The following EPN3 variants were observed in gnomAD, a reference collection of about 807,000 sequenced individuals.
EPN3 encodes the protein epsin-3.
Under a neutral mutation model 55.5 loss-of-function variants are expected in EPN3, and 56 were observed. That is an observed-to-expected ratio of 1.01 (90% confidence interval 0.81 to 1.26). EPN3 has a LOEUF of 1.26. Among genes scored for constraint, EPN3 ranks in the 50% most tolerant of loss-of-function variants. The pLI, the probability that EPN3 is intolerant of heterozygous loss-of-function variation, is 0.00. For missense variants in EPN3, 927 were observed against 853.4 expected, an observed-to-expected ratio of 1.09 and a Z score of -1.07; for synonymous variants, 449 against 375.2, an observed-to-expected ratio of 1.20 and a Z score of -2.27.
Position 50,541,965 on chromosome 17 carries a change from C to T in EPN3, c.1707C>T (p.Pro569=). Residue 569 remains proline, a synonymous_variant, in exon 10 of 10, where the codon CCC becomes CCT. Transcript: ENST00000268933. ...TGGCAGGCGGGCCTGTGGGGGCGCC[C>T]CTGGGCTCCATGACCTACAGCGCCT... The part of the protein sequence containing the change: ...LGLAGGPVGA[P]LGSMTYSASL... The T allele has an allele frequency of 3.1e-6, 5 of 1,596,708 alleles. No individual in the cohort carries two copies. The African/African-American group carries it at 4.0e-5, about 13-fold the overall frequency.
At chr17:50,540,748 G>T (rs1197772617) in intron 6 of EPN3, 45 bp from the exon 7 acceptor site, 6 of 1,544,488 alleles carry the variant, frequency 3.9e-6, no homozygotes, top group Non-Finnish European at 5.3e-6. Flanking sequence ...CTGGGCGAGG[G>T]ATAAGGGTGG....
rs1567905413 is a variant in EPN3 at position 50,541,082 on chromosome 17, G to GT, written c.1249+21dup. On this transcript the variant is annotated intron_variant, in intron 7 of 9. Transcript: ENST00000268933. ...CACCTGGTAAGAAGAGGGCCAGAGA[G>GT]TGTGAGTGAGGAGCTGGGGGACTTC... 6.4e-7 allele frequency: 1 copy of GT among 1,570,916 alleles called. No homozygotes were observed. The highest frequency in any genetic ancestry group is 1.2e-5 in the South Asian group (1 of 85,262).
chr17:50,536,865 C>T lies in EPN3; in HGVS notation c.309C>T (p.Ile103=), dbSNP rs1304836353. 1.9e-6 allele frequency: 3 copies of T among 1,614,078 alleles called. No individual in the cohort carries two copies. Among genetic ancestry groups the T allele is most frequent in the East Asian group, 4.5e-5 (2 of 44,894 alleles). ...AGTGCCGCGAGAACCTCTACACCATCCAGACACTCAAGGACTTCCAGTACA... is the reference window on the plus strand; with the variant it reads ...AGTGCCGCGAGAACCTCTACACCATTCAGACACTCAAGGACTTCCAGTACA... ...AHQCRENLYT[I]QTLKDFQYID... is the part of the protein sequence containing the mutation. The change falls in exon 2 of 10, where the codon ATC becomes ATT. Residue 103 remains isoleucine, a synonymous_variant. Coordinates refer to ENST00000268933, the MANE Select transcript of EPN3 (RefSeq NM_017957.3).
chr17:50,540,294 G>A lies in EPN3; in HGVS notation c.939G>A (p.Pro313=), dbSNP rs769871618. The A allele has an allele frequency of 2.3e-5, 37 of 1,612,236 alleles. No homozygotes were observed. The highest frequency in any genetic ancestry group is 2.7e-5 in the Non-Finnish European group (32 of 1,179,910). ...LADIFVPALA[P]PSTHCSADPW... ...ACATCTTCGTACCTGCCCTGGCCCC[G>A]CCCTCCACACACTGCTCTGCTGACC... Residue 313 remains proline, a synonymous_variant, in exon 6 of 10, where the codon CCG becomes CCA. Transcript: ENST00000268933.
intron 5 of EPN3, 123 bp from the exon 6 acceptor site, chr17:50,540,124 T>C: frequency 1.4e-6 from 1 of 703,024 alleles, no homozygotes; most frequent in African/African-American, 1.8e-5. Context: ...AGGTGAGGGA[T>C]CATGAATAGG....
chr17:50,543,653 G>A lies in EPN3; in HGVS notation c.*1496G>A, dbSNP rs2034876211. On this transcript the variant is annotated 3_prime_UTR_variant, in exon 10 of 10. Coordinates refer to ENST00000268933, the MANE Select transcript of EPN3 (RefSeq NM_017957.3). ...CACCTGCTCAGGAGTCAGACTTACA[G>A]GGTTCAAAGTTCTGCTCCAAGGTTT... The A allele has an allele frequency of 2.0e-5, 3 of 152,212 alleles. No homozygotes were observed. Among genetic ancestry groups the A allele is most frequent in the Admixed American group, 2.0e-4 (3 of 15,286 alleles). 9.4% of individuals were successfully genotyped at this position (152,212 alleles called of 1,614,324 possible).
Position 50,540,783 on chromosome 17 carries a change from C to T in EPN3, c.980-10C>T, listed in dbSNP as rs1328855372. The T allele has an allele frequency of 6.2e-7, 1 of 1,601,274 alleles. No individual in the cohort carries two copies. Among genetic ancestry groups the T allele is most frequent in the Non-Finnish European group, 8.5e-7 (1 of 1,171,692 alleles). On this transcript the variant is annotated splice_polypyrimidine_tract_variant and intron_variant, in intron 6 of 9. Coordinates refer to ENST00000268933, the MANE Select transcript of EPN3 (RefSeq NM_017957.3). The stretch of plus-strand genomic sequence containing the variant: ...GGCCTGGGATCATGTCTATGCTGTT[C>T]CCATTTCAGGTTTTAGGCCGAACAC...
chr17:50,543,328 T>G lies in EPN3; in HGVS notation c.*1171T>G, dbSNP rs2034872867. ...ACCCCTTCTGGGGGTTTATGTGGAG[T>G]CTGGGAAACCAAGGGTGGGGTGAGG... On this transcript the variant is annotated 3_prime_UTR_variant, in exon 10 of 10. Transcript: ENST00000268933. The G allele has an allele frequency of 6.6e-6, 1 of 152,042 alleles. No homozygotes were observed. The highest frequency in any genetic ancestry group is 2.4e-5 in the African/African-American group (1 of 41,388). 9.4% of individuals were successfully genotyped at this position (152,042 alleles called of 1,614,324 possible).
rs1385102119 is a variant in EPN3, at chr17:50,543,128, C to T, written c.*971C>T. ...TGGAGGGATCCAACCTCCAGGAGCT[C>T]GAGCGCAGCAGGGTAGACAAGCCAG... On this transcript the variant is annotated 3_prime_UTR_variant, in exon 10 of 10. Coordinates refer to ENST00000268933, the MANE Select transcript of EPN3 (RefSeq NM_017957.3). 2 of 152,320 alleles carry T rather than the reference C, an allele frequency of 1.3e-5. No homozygotes were observed. Among genetic ancestry groups the T allele is most frequent in the Admixed American group, 6.5e-5 (1 of 15,296 alleles). 9.4% of individuals were successfully genotyped at this position (152,320 alleles called of 1,614,324 possible).
Position 50,541,330 on chromosome 17 carries a change from G to A in EPN3, c.1351G>A (p.Val451Met). The part of the protein sequence containing the change: ...ALPSGKPSSP[V>M]ELDLFGDPSP... ...GCCCTCTGGGAAGCCCAGCAGCCCT[G>A]TGGGTGAGCAGGGCAAGGGGATGGT... The change falls in exon 8 of 10, where the codon GTG (valine) becomes ATG (methionine). Residue 451 changes from valine to methionine, a missense_variant. Transcript: ENST00000268933. 3.1e-6 allele frequency: 5 copies of A among 1,611,968 alleles called. No homozygotes were observed. The highest frequency in any genetic ancestry group is 1.1e-5 in the South Asian group (1 of 91,070).
At position 50,541,993 on chromosome 17, in the gene EPN3, C is replaced by G; in HGVS notation, c.1735C>G (p.Leu579Val). The change falls in exon 10 of 10, where the codon CTG (leucine) becomes GTG (valine). Residue 579 changes from leucine (L) to valine (V), a missense_variant. Leu to Val is a conservative substitution (Grantham distance 32). Coordinates refer to ENST00000268933, the MANE Select transcript of EPN3 (RefSeq NM_017957.3). ...PLGSMTYSAS[L>V]PLPLSSVPAG... ...GGGCTCCATGACCTACAGCGCCTCT[C>G]TGCCCCTCCCGCTCAGCAGCGTGCC... is the stretch of plus-strand genomic sequence containing the variant. 1 of 1,598,340 alleles carries G rather than the reference C, an allele frequency of 6.3e-7. No homozygotes were observed. The highest frequency in any genetic ancestry group is 8.5e-7 in the Non-Finnish European group (1 of 1,178,802).
Position 50,540,307 on chromosome 17 carries a change from T to C in EPN3, c.952T>C (p.Cys318Arg). The C allele has an allele frequency of 6.2e-7, 1 of 1,612,360 alleles. No homozygotes were observed. The highest frequency in any genetic ancestry group is 8.5e-7 in the Non-Finnish European group (1 of 1,179,942). The change falls in exon 6 of 10, where the codon TGC becomes CGC. Residue 318 changes from cysteine (C) to arginine (R), a missense_variant. Cys to Arg is a radical substitution (Grantham distance 180). Coordinates refer to ENST00000268933, the MANE Select transcript of EPN3 (RefSeq NM_017957.3). ...TGCCCTGGCCCCGCCCTCCACACAC[T>C]GCTCTGCTGACCCATGGGACATCCC... Reference protein sequence around the residue: ...VPALAPPSTHCSADPWDIPGF... With the variant: ...VPALAPPSTHRSADPWDIPGF...
chr17:50,539,271 G>C lies in EPN3; in HGVS notation c.847G>C (p.Glu283Gln), dbSNP rs764261827. Residue 283 changes from glutamate (E) to glutamine (Q), a missense_variant, in exon 5 of 10, where the codon GAG becomes CAG. By Grantham distance (29) the Glu-to-Gln change is conservative (BLOSUM62 2). Transcript: ENST00000268933. ...CCACCATCAGCGGGACAGAGAGCCT[G>C]AGAGAGAAGAGAGAAAGGAGGAGGA... The part of the protein sequence containing the change: ...VVHHQRDREP[E>Q]REERKEEEKL... The C allele has an allele frequency of 6.2e-7, 1 of 1,614,224 alleles. No individual in the cohort carries two copies. Among genetic ancestry groups the C allele is most frequent in the South Asian group, 1.1e-5 (1 of 91,082 alleles).
At position 50,537,456 on chromosome 17, in the gene EPN3, C is replaced by T. The variant is rs2034781542; in HGVS notation, c.562+338C>T. The T allele has an allele frequency of 6.1e-5, 23 of 374,072 alleles. 1 individual carries two copies. In the South Asian group the frequency reaches 6.8e-4, roughly 11 times the overall value. The allele number at this position is 374,072 out of a possible 1,614,324, so 23.2% of individuals were successfully genotyped here. A position where few individuals can be genotyped will look rare whatever the true frequency, so the allele number is the denominator to read the frequency against. On this transcript the variant is annotated intron_variant, in intron 2 of 9. Transcript: ENST00000268933. ...AACCAGTTCTCTGAACCTCAGTTTCCTCATCTGTACAGTGGGGATAAGCTC... is the reference window on the plus strand; with the variant it reads ...AACCAGTTCTCTGAACCTCAGTTTCTTCATCTGTACAGTGGGGATAAGCTC...
At position 50,541,028 on chromosome 17, in the gene EPN3, T is replaced by C. The variant is rs2034841339; in HGVS notation, c.1215T>C (p.Pro405=). 6 of 1,594,028 alleles carry C rather than the reference T, an allele frequency of 3.8e-6. No homozygotes were observed. The highest frequency in any genetic ancestry group is 3.4e-5 in the Admixed American group (2 of 58,920). The change falls in exon 7 of 10, where the codon CCT becomes CCC. Residue 405 remains proline, a synonymous_variant. Coordinates refer to ENST00000268933, the MANE Select transcript of EPN3 (RefSeq NM_017957.3). Reference sequence around the variant, plus strand: ...AACTCCCCAGCACTGGGGCTGACCCTTGGGGAGCCTCCCTGGAGACCTCCG... The same window carrying C: ...AACTCCCCAGCACTGGGGCTGACCCCTGGGGAGCCTCCCTGGAGACCTCCG... The part of the protein sequence containing the change: ...HHKLPSTGAD[P]WGASLETSDT...
In EPN3 at chr17:50,540,331, C is replaced by T; in HGVS notation, c.976C>T (p.Pro326Ser). The T allele has an allele frequency of 6.2e-7, 1 of 1,610,146 alleles. No homozygotes were observed. Among genetic ancestry groups the T allele is most frequent in the Admixed American group, 1.7e-5 (1 of 59,866 alleles). The change falls in exon 6 of 10, where the codon CCA becomes TCA. Residue 326 changes from proline to serine, a missense_variant. Transcript: ENST00000268933. ...THCSADPWDI[P>S]GFRPNTEASG... Reference sequence around the variant, plus strand: ...CTGCTCTGCTGACCCATGGGACATCCCAGGTGGGCATGCAGGGCTGCAAGA... The same window carrying T: ...CTGCTCTGCTGACCCATGGGACATCTCAGGTGGGCATGCAGGGCTGCAAGA...
chr17:50,536,590 A>G lies in EPN3; in HGVS notation c.34A>G (p.Asn12Asp). 1 of 1,614,028 alleles carries G rather than the reference A, an allele frequency of 6.2e-7. No individual in the cohort carries two copies. Among genetic ancestry groups the G allele is most frequent in the South Asian group, 1.1e-5 (1 of 91,078 alleles). ...TTSALRRQVK[N>D]IVHNYSEAEI... ...CTCCGCACTCCGGCGCCAGGTGAAG[A>G]ACATCGTGCACAACTACTCCGAGGC... The change falls in exon 2 of 10, where the codon AAC becomes GAC. Residue 12 changes from asparagine (N) to aspartate (D), a missense_variant. Physicochemically the swap from Asn to Asp is conservative, Grantham distance 23 (BLOSUM62 1). Coordinates refer to ENST00000268933, the MANE Select transcript of EPN3 (RefSeq NM_017957.3).
Position 50,541,857 on chromosome 17 carries a change from G to A in EPN3, c.1599G>A (p.Pro533=), listed in dbSNP as rs749509085. The A allele has an allele frequency of 1.2e-6, 2 of 1,609,806 alleles. No individual in the cohort carries two copies. Among genetic ancestry groups the A allele is most frequent in the Non-Finnish European group, 1.7e-6 (2 of 1,179,990 alleles). Residue 533 remains proline, a synonymous_variant, in exon 10 of 10, where the codon CCG becomes CCA. Coordinates refer to ENST00000268933, the MANE Select transcript of EPN3 (RefSeq NM_017957.3). ...RNPFLTGLSA[P]SPTNPFGAGE... The stretch of plus-strand genomic sequence containing the variant: ...CTCGTTCTGCAGGTCTCAGCGCTCC[G>A]TCCCCCACCAACCCGTTCGGCGCGG...
chr17:50,540,249 C>A lies in EPN3; in HGVS notation c.894C>A (p.Ser298=). The change falls in exon 6 of 10, where the codon TCC becomes TCA. Residue 298 remains serine, a splice_region_variant and synonymous_variant. Coordinates refer to ENST00000268933, the MANE Select transcript of EPN3 (RefSeq NM_017957.3). ...KEEEKLKTSQ[S]SILDLADIFV... The stretch of plus-strand genomic sequence containing the variant: ...GCGGCTGCCTCTCCCCTCCACAGTC[C>A]TCCATCCTGGACTTGGCTGACATCT... 1 of 1,612,184 alleles carries A rather than the reference C, an allele frequency of 6.2e-7. No individual in the cohort carries two copies. Among genetic ancestry groups the A allele is most frequent in the Non-Finnish European group, 8.5e-7 (1 of 1,179,928 alleles).
Sources: allele counts gnomAD v4.1 joint callset, GRCh38; gene constraint gnomAD v4.1.1; transcripts MANE v1.5; gene names NCBI Gene and HGNC (gene_info 2026-07-23, HGNC 2026-07-21).